RNF8: variants seen among roughly 807,000 people sequenced by gnomAD.
RNF8 encodes ring finger protein 8, also known as E3 ubiquitin-protein ligase RNF8.
A neutral mutation model predicts 59.3 loss-of-function variants in RNF8; 8 were observed. The ratio of observed to expected loss-of-function variants is 0.13; its 90% CI spans 0.08 to 0.24. The LOEUF (loss-of-function observed/expected upper bound fraction) is 0.24, where lower values mean the gene tolerates loss of function less well. Among genes scored for constraint, RNF8 ranks in the 10% least tolerant of loss-of-function variants. The probability of loss-of-function intolerance (pLI) is 1.00; values close to 1 mark genes in which losing one functional copy is unlikely to be tolerated. For synonymous variants in RNF8, 162 were observed against 200.0 expected, an observed-to-expected ratio of 0.81 and a Z score of 1.60; for missense variants, 406 against 572.6, an observed-to-expected ratio of 0.71 and a Z score of 2.97.
At position 37,376,923 on chromosome 6, in the gene RNF8, C is replaced by A; in HGVS notation, c.1129-3C>A. On this transcript the variant is annotated splice_region_variant and splice_polypyrimidine_tract_variant and intron_variant, in intron 5 of 7. Transcript: ENST00000373479. Reference sequence around the variant, plus strand: ...ATGACAGGTAGGATTGTGTGTCTTGCAGGAAGAGAAGGAGAAGATGCAAGC... The same window carrying A: ...ATGACAGGTAGGATTGTGTGTCTTGAAGGAAGAGAAGGAGAAGATGCAAGC... 1.9e-6 allele frequency: 3 copies of A among 1,606,918 alleles called. No individual in the cohort carries two copies. The highest frequency in any genetic ancestry group is 2.6e-6 in the Non-Finnish European group (3 of 1,173,720).
In RNF8 at chr6:37,354,015, G is replaced by T. The variant is rs4714059; in HGVS notation, c.-150G>T. The T allele has an allele frequency of 0.068, 48,444 of 713,046 alleles. 1,911 individuals are homozygous for T. The highest frequency in any genetic ancestry group is 0.12 in the Admixed American group (4,915 of 41,562). The allele number at this position is 713,046 out of a possible 1,614,324, so 44.2% of individuals were successfully genotyped here. ...TCCTGCTTCCTGGCCGAGGGCGGGC[G>T]AGCGGAGCCTGCTTTCGCAGCGATC... On this transcript the variant is annotated 5_prime_UTR_variant, in exon 1 of 8. Coordinates refer to ENST00000373479, the MANE Select transcript of RNF8 (RefSeq NM_003958.4).
chr6:37,354,770 C>T (rs1353883210), intron 1 of RNF8, among the ~76,000 whole-genome samples: 2 of 122,314 alleles, frequency 1.6e-5, no homozygotes, highest in Non-Finnish European at 3.0e-5. Flanking sequence ...CAGAGCCCCG[C>T]GGTGCCAGGT....
intron 3 of RNF8, 75 bp from the exon 4 acceptor site, chr6:37,371,437 C>T (rs1769799806): frequency 7.8e-7 from 1 of 1,289,152 alleles, no homozygotes; most frequent in Admixed American, 1.8e-5. Context: ...CTGGTCTGCT[C>T]TGCTTGTTGC....
rs979007771 is a variant in RNF8 at position 37,393,531 on chromosome 6, C to G, written c.*2773C>G. 1.3e-5 allele frequency: 2 copies of G among 152,220 alleles called. No homozygotes were observed. Among genetic ancestry groups the G allele is most frequent in the Admixed American group, 1.3e-4 (2 of 15,274 alleles). The allele number at this position is 152,220 out of a possible 1,614,324, so 9.4% of individuals were successfully genotyped here. A position where few individuals can be genotyped will look rare whatever the true frequency, so the allele number is the denominator to read the frequency against. On this transcript the variant is annotated 3_prime_UTR_variant, in exon 8 of 8. Coordinates refer to ENST00000373479, the MANE Select transcript of RNF8 (RefSeq NM_003958.4). ...TGTGCAGTCTGACTCTAATTAAAGG[C>G]ACCTTCTTTACAGCAGGGCTCTGGG...
chr6:37,358,878 C>G (rs1423330308), intron 1 of RNF8, among the ~76,000 whole-genome samples: 4 of 152,088 alleles, frequency 2.6e-5, no homozygotes, highest in African/African-American at 9.7e-5. Flanking sequence ...AGGCAGATCA[C>G]TTGAGATCAG....
chr6:37,365,249 C>G (rs1258812923), intron 2 of RNF8, among the ~76,000 whole-genome samples: 4 of 152,102 alleles, frequency 2.6e-5, no homozygotes, highest in Non-Finnish European at 5.9e-5. Flanking sequence ...AAGCAAGACT[C>G]AAAAGTGTAG....
At chr6:37,364,045 G>A (rs772809595) in intron 2 of RNF8, among the ~76,000 whole-genome samples, 2 of 152,030 alleles carry the variant, frequency 1.3e-5, no homozygotes, top group Non-Finnish European at 2.9e-5. Context: ...CAGGCGTGGT[G>A]GCGGGTGCCT....
chr6:37,357,779 T>G (rs1769174188), intron 1 of RNF8, among the ~76,000 whole-genome samples: 1 of 152,182 alleles, frequency 6.6e-6, no homozygotes, highest in Non-Finnish European at 1.5e-5. Flanking sequence ...ACTTCTGACC[T>G]AAAAACACCC....
rs535294726 is a variant in RNF8 at position 37,360,036 on chromosome 6, A to G, written c.112-410A>G. Reference sequence around the variant, plus strand: ...GGTGCCCAGGGCAAAGCCAGGGCCAATGGATGGAATTTACAAGGAGAAAAA... The same window carrying G: ...GGTGCCCAGGGCAAAGCCAGGGCCAGTGGATGGAATTTACAAGGAGAAAAA... On this transcript the variant is annotated intron_variant, in intron 1 of 7. Transcript: ENST00000373479. The surrounding 1 kb of genome is among the most constrained non-coding windows in gnomAD (Gnocchi z 4.2). Among the ~76,000 whole-genome samples the G allele has an allele frequency of 4.6e-5, 7 of 152,358 alleles. No individual in the cohort carries two copies. Among genetic ancestry groups the G allele is most frequent in the African/African-American group, 1.7e-4 (7 of 41,588 alleles).
chr6:37,380,971 T>A (rs1770237097), intron 6 of RNF8, among the ~76,000 whole-genome samples, 179 bp from the exon 7 acceptor site: 1 of 152,094 alleles, frequency 6.6e-6, no homozygotes. Context: ...GCATGAGCCA[T>A]CATGCCCGGC....
At chr6:37,372,640 A>G (rs1769857694) in intron 4 of RNF8, among the ~76,000 whole-genome samples, 1 of 152,164 alleles carries the variant, frequency 6.6e-6, no homozygotes, top group Non-Finnish European at 1.5e-5. Flanking sequence ...ATCATTTTGC[A>G]TGGGATACTT....
At chr6:37,390,026 C>A (rs887281714) in intron 7 of RNF8, among the ~76,000 whole-genome samples, 1 of 152,242 alleles carries the variant, frequency 6.6e-6, no homozygotes, top group Non-Finnish European at 1.5e-5. Context: ...CACAAGGAAG[C>A]GGACTATTGG....
At chr6:37,370,208 A>T (rs1334537061) in intron 3 of RNF8, 1 of 152,208 alleles carries the variant, frequency 6.6e-6, no homozygotes. Context: ...TATAAATTTC[A>T]TTCTGATCTC....
intron 7 of RNF8, among the ~76,000 whole-genome samples, chr6:37,389,006 C>CT (rs1770624031): frequency 6.6e-6 from 1 of 151,624 alleles, no homozygotes. Flanking sequence ...GGGTAGATCC[C>CT]CCTCATTACA....
chr6:37,390,438 G>T (rs921580002), intron 7 of RNF8, among the ~76,000 whole-genome samples: 7 of 151,580 alleles, frequency 4.6e-5, no homozygotes, highest in Non-Finnish European at 1.0e-4. Flanking sequence ...TGTGGGAGGG[G>T]CAGCAAGGAG....
chr6:37,361,509 A>C (rs544659537), intron 2 of RNF8: 33 of 363,852 alleles, frequency 9.1e-5, no homozygotes, highest in African/African-American at 5.3e-4. Flanking sequence ...AGATACCTAA[A>C]GTGCAGATAT....
At chr6:37,369,264 C>G in intron 3 of RNF8, 46 bp downstream of exon 3, 1 of 1,521,520 alleles carries the variant, frequency 6.6e-7, no homozygotes, top group Non-Finnish European at 8.8e-7. Flanking sequence ...AGGGGTGGGG[C>G]AGGCACTTCA....
chr6:37,363,331 C>G (rs1769402377), intron 2 of RNF8, among the ~76,000 whole-genome samples: 1 of 152,068 alleles, frequency 6.6e-6, no homozygotes. Context: ...GTTCATTCGT[C>G]AAAAAACACC....
intron 2 of RNF8, chr6:37,361,275 G>A: frequency 2.2e-6 from 1 of 454,682 alleles, no homozygotes; most frequent in Non-Finnish European, 4.4e-6. Context: ...GGGTTATAGT[G>A]TGCTATGCCA....
Sources: gnomAD v4.1 joint callset for allele counts (sites outside exome capture counted in the v4.1 genomes callset) on GRCh38, gnomAD v4.1.1 for gene constraint, Gnocchi (gnomAD v3.1) non-coding constraint, MANE v1.5 for transcripts, NCBI Gene and HGNC (gene_info 2026-07-23, HGNC 2026-07-21) for gene names.